Variants in PI4KA observed in about 807,000 individuals in gnomAD.
PI4KA encodes PI4-kinase alpha.
In PI4KA, 122 loss-of-function variants were observed where a neutral mutation model predicts 271.4. The ratio of observed to expected loss-of-function variants is 0.45; its 90% CI spans 0.39 to 0.52. The LOEUF (loss-of-function observed/expected upper bound fraction) is 0.52. Ranked by LOEUF, PI4KA falls within the 20% of genes least tolerant of loss-of-function variation. The pLI, the probability that PI4KA is intolerant of heterozygous loss-of-function variation, is 0.00. For synonymous variants in PI4KA, 1,041 were observed against 1,078.8 expected (o/e 0.96, Z 0.69); for missense variants, 1,969 against 2,769.1 (o/e 0.71, Z 6.48).
At position 20,731,157 on chromosome 22, in the gene PI4KA, C is replaced by T. The variant is rs567505047; in HGVS notation, c.4289-1146G>A. On this transcript the variant is annotated intron_variant, in intron 36 of 54. Coordinates refer to ENST00000255882, the MANE Select transcript of PI4KA (RefSeq NM_058004.4). ...TTACACTATTGCACTCTAGCCTGCG[C>T]GACAGAATGAGACTGCATTTCTAAA... Among the ~76,000 whole-genome samples, 19 of 152,020 alleles carry T rather than the reference C, an allele frequency of 1.2e-4. No individual in the cohort carries two copies. The South Asian group carries it at 2.9e-3, about 23-fold the overall frequency.
intron 15 of PI4KA, 74 bp from the exon 16 acceptor site, chr22:20,799,350 T>A: frequency 1.5e-6 from 2 of 1,325,082 alleles, no homozygotes; most frequent in Non-Finnish European, 2.1e-6. Flanking sequence ...ACCCAGAGAC[T>A]ACGATCTAGA....
At chr22:20,712,883 G>A (rs1264805551) in intron 48 of PI4KA, 86 bp from the exon 49 acceptor site, 6 of 1,548,536 alleles carry the variant, frequency 3.9e-6, no homozygotes, top group Non-Finnish European at 5.2e-6. Flanking sequence ...CAAAAGCCAA[G>A]CACCCAGAGA....
Position 20,810,954 on chromosome 22 carries a change from A to T in PI4KA, c.1071+13T>A, listed in dbSNP as rs779184322. ...AGGCTGATCTCATGGTAATGCCCTCAGAAGCGACATACCTCCATCACACTG... is the reference window on the plus strand; with the variant it reads ...AGGCTGATCTCATGGTAATGCCCTCTGAAGCGACATACCTCCATCACACTG... On this transcript the variant is annotated intron_variant, in intron 9 of 54. Coordinates refer to ENST00000255882, the MANE Select transcript of PI4KA (RefSeq NM_058004.4). 3.1e-6 allele frequency: 5 copies of T among 1,602,936 alleles called. No homozygotes were observed. The highest frequency in any genetic ancestry group is 4.3e-6 in the Non-Finnish European group (5 of 1,169,770).
intron 1 of PI4KA, among the ~76,000 whole-genome samples, chr22:20,841,307 G>A (rs2147785640): frequency 6.6e-6 from 1 of 152,272 alleles, no homozygotes; most frequent in East Asian, 1.9e-4. Context: ...TAGCCATACT[G>A]CCAGTGCAGC....
chr22:20,837,691 A>T (rs967973844), intron 2 of PI4KA, among the ~76,000 whole-genome samples: 6 of 152,218 alleles, frequency 3.9e-5, no homozygotes, highest in African/African-American at 1.4e-4. Flanking sequence ...TAAATAAAAG[A>T]TTCAATATCC....
chr22:20,753,940 C>A (rs200329992), intron 23 of PI4KA, among the ~76,000 whole-genome samples: 1 of 152,228 alleles, frequency 6.6e-6, no homozygotes, highest in East Asian at 1.9e-4. Flanking sequence ...CCCGCCTCGG[C>A]CTCCCAAAGT....
At chr22:20,728,153 C>A (rs1056337991) in intron 39 of PI4KA, among the ~76,000 whole-genome samples, 2 of 152,104 alleles carry the variant, frequency 1.3e-5, no homozygotes, top group Non-Finnish European at 2.9e-5. Flanking sequence ...GGGATGGATA[C>A]CCCATTCTCC....
At chr22:20,752,759 AGG>A in intron 25 of PI4KA, 142 bp downstream of exon 25, 1 of 797,088 alleles carries the variant, frequency 1.3e-6, no homozygotes. Context: ...CAGACATTGG[AGG>A]GAGGCTGCAT....
chr22:20,721,862 G>A (rs1341426294), intron 42 of PI4KA: 1 of 166,362 alleles, frequency 6.0e-6, no homozygotes, highest in Non-Finnish European at 1.3e-5. Flanking sequence ...ATATGATTAG[G>A]TTTTGTGTCC....
At chr22:20,778,833 C>T (rs962590037) in intron 19 of PI4KA, among the ~76,000 whole-genome samples, 11 of 152,192 alleles carry the variant, frequency 7.2e-5, no homozygotes, top group African/African-American at 1.4e-4. Context: ...CACCCCTTTC[C>T]GTACCCCCAT....
At chr22:20,806,891 T>C (rs531589405) in intron 10 of PI4KA, among the ~76,000 whole-genome samples, 9 of 151,918 alleles carry the variant, frequency 5.9e-5, no homozygotes, top group South Asian at 2.1e-4. Context: ...CCACTGCGCC[T>C]GGCTAATTTC....
chr22:20,843,706 T>G (rs1053983818), intron 1 of PI4KA, among the ~76,000 whole-genome samples: 1 of 152,048 alleles, frequency 6.6e-6, no homozygotes, highest in Non-Finnish European at 1.5e-5. Flanking sequence ...CTATTCCTGT[T>G]TTACAGGTTA....
intron 3 of PI4KA, among the ~76,000 whole-genome samples, chr22:20,827,754 G>C (rs1474394307): frequency 6.6e-6 from 1 of 152,026 alleles, no homozygotes; most frequent in Non-Finnish European, 1.5e-5. Flanking sequence ...TCTTGCTATA[G>C]AGATTTTTCA....
At chr22:20,831,614 CAAAACAAAACAAAAA>C (rs1569082802) in intron 3 of PI4KA, among the ~76,000 whole-genome samples, 5 of 40,108 alleles carry the variant, frequency 1.2e-4, no homozygotes, top group Non-Finnish European at 2.5e-4. Flanking sequence ...AAAACAAAAA[CAAAACAAAACAAAAA>C]GGCTGAATGT....
chr22:20,722,483 G>A (rs1270343393), intron 42 of PI4KA, among the ~76,000 whole-genome samples: 1 of 152,098 alleles, frequency 6.6e-6, no homozygotes. Flanking sequence ...CACCGCACCT[G>A]GCCAGGAAGT....
intron 42 of PI4KA, among the ~76,000 whole-genome samples, chr22:20,723,695 G>A (rs1927013774): frequency 6.6e-6 from 1 of 152,016 alleles, no homozygotes; most frequent in Non-Finnish European, 1.5e-5. Context: ...GCCAGGCGTG[G>A]TGGTACACGC....
chr22:20,728,027 G>C (rs943539045), intron 39 of PI4KA, among the ~76,000 whole-genome samples, 163 bp from the exon 40 acceptor site: 3 of 152,132 alleles, frequency 2.0e-5, no homozygotes, highest in African/African-American at 4.8e-5. Flanking sequence ...ATGAAGACCT[G>C]CTATTTGATA....
intron 42 of PI4KA, chr22:20,721,721 G>C (rs1296368263): frequency 1.3e-5 from 4 of 311,736 alleles, no homozygotes; most frequent in Non-Finnish European, 2.4e-5. Flanking sequence ...TTCTGGAGTT[G>C]TCAAGTACGA....
rs139138328 is a variant in PI4KA, at chr22:20,744,712, C to G, written c.3372G>C (p.Gln1124His). Reference protein sequence around the residue: ...NKQNTTLGATQLSERPACVKK... With the variant: ...NKQNTTLGATHLSERPACVKK... ...TCACACAGGCCGGGCGCTCGCTCAGCTGAGTTGCCTACAGACAGATAACCA... is the reference window on the plus strand; with the variant it reads ...TCACACAGGCCGGGCGCTCGCTCAGGTGAGTTGCCTACAGACAGATAACCA... The change falls in exon 30 of 55, where the codon CAG (glutamine) becomes CAC (histidine). Residue 1124 changes from glutamine to histidine, a missense_variant. Transcript: ENST00000255882. 6.2e-7 allele frequency: 1 copy of G among 1,613,742 alleles called. No individual in the cohort carries two copies. The highest frequency in any genetic ancestry group is 1.7e-5 in the Admixed American group (1 of 60,028).
Sources: allele counts gnomAD v4.1 joint callset (sites outside exome capture counted in the v4.1 genomes callset), GRCh38; gene constraint gnomAD v4.1.1; transcripts MANE v1.5; gene names NCBI Gene and HGNC (gene_info 2026-07-23, HGNC 2026-07-21).